The following SNX2 variants were observed in gnomAD, a reference collection of about 807,000 sequenced individuals.
SNX2 encodes the protein sorting nexin 2.
In SNX2, 25 loss-of-function variants were observed where a neutral mutation model predicts 69.9. The ratio of observed to expected loss-of-function variants is 0.36; its 90% confidence interval spans 0.26 to 0.50. The LOEUF is 0.50. SNX2 is among the 20% of genes least tolerant of loss of function. The pLI is 0.97. For missense variants in SNX2, 551 were observed against 613.3 expected (o/e 0.90, Z 1.07); for synonymous variants, 229 against 200.4 (o/e 1.14, Z -1.20).
intron 1 of SNX2, among the ~76,000 whole-genome samples, chr5:122,783,832 G>T (rs1195596365): frequency 6.6e-6 from 1 of 152,116 alleles, no homozygotes; most frequent in African/African-American, 2.4e-5. Flanking sequence ...AATTGGGATT[G>T]TGTTGAATTC....
intron 7 of SNX2, 181 bp from the exon 8 acceptor site, chr5:122,815,715 A>T: frequency 2.5e-6 from 1 of 403,254 alleles, no homozygotes; most frequent in South Asian, 6.1e-5. Context: ...TTTTCAAAAG[A>T]TGAACAAAAA....
intron 1 of SNX2, chr5:122,775,413 G>A: frequency 2.4e-6 from 3 of 1,271,910 alleles, no homozygotes; most frequent in Middle Eastern, 3.0e-4. Flanking sequence ...AGCAGCCTGC[G>A]GCCCGCGGGT....
intron 7 of SNX2, among the ~76,000 whole-genome samples, chr5:122,814,239 T>G (rs6896344): frequency 0.4 from 60,515 of 152,064 alleles, 12,617 homozygotes; most frequent in African/African-American, 0.49. Flanking sequence ...TTATCTGATA[T>G]ATTGTGAGAG....
At chr5:122,792,626 T>C (rs536514700) in intron 1 of SNX2, among the ~76,000 whole-genome samples, 1 of 151,044 alleles carries the variant, frequency 6.6e-6, no homozygotes, top group East Asian at 1.9e-4. Context: ...GCTTAGTAAC[T>C]ATACAAGAAA....
In SNX2 at chr5:122,803,710, A is replaced by AT. The variant is rs531015651; in HGVS notation, c.643+101dup. 1,312 of 881,460 alleles carry AT rather than the reference A, an allele frequency of 1.5e-3. 2 individuals are homozygous for AT. The highest frequency in any genetic ancestry group is 3.2e-3 in the Middle Eastern group (9 of 2,826). 54.6% of individuals were successfully genotyped at this position (881,460 alleles called of 1,614,324 possible). ...GATTTCTTAGTCATTCACTGTCAAC[A>AT]TTTTATAATGTGTAGACATAACTGA... On this transcript the variant is annotated intron_variant, in intron 6 of 14. Coordinates refer to ENST00000379516, the MANE Select transcript of SNX2 (RefSeq NM_003100.4).
chr5:122,817,062 T>A, intron 9 of SNX2, 34 bp downstream of exon 9: 1 of 1,416,602 alleles, frequency 7.1e-7, no homozygotes, highest in Non-Finnish European at 1.0e-6. Context: ...AATAATGAGA[T>A]GAATTAATGA....
At chr5:122,800,701 A>T (rs1166258276) in intron 3 of SNX2, among the ~76,000 whole-genome samples, 3 of 152,196 alleles carry the variant, frequency 2.0e-5, no homozygotes, top group African/African-American at 7.2e-5. Context: ...CTTAAAATTT[A>T]TATACTTTTT....
intron 12 of SNX2, chr5:122,826,611 A>G (rs1464153645): frequency 2.3e-6 from 2 of 887,702 alleles, no homozygotes; most frequent in Non-Finnish European, 2.7e-6. Flanking sequence ...TATAATTTAT[A>G]CACTTTTCTT....
chr5:122,804,674 C>T (rs1310094623), intron 6 of SNX2, among the ~76,000 whole-genome samples: 1 of 152,002 alleles, frequency 6.6e-6, no homozygotes, highest in Admixed American at 6.6e-5. Flanking sequence ...CACATTTGTA[C>T]TTCCATAAGC....
intron 1 of SNX2, among the ~76,000 whole-genome samples, chr5:122,794,614 T>A (rs2150005359): frequency 6.6e-6 from 1 of 152,276 alleles, no homozygotes; most frequent in South Asian, 2.1e-4. Context: ...TTTTTGAAAA[T>A]CAAGGACATG....
In SNX2 at chr5:122,831,009, C is replaced by CAAAAAAAAAAAAAAAAAAAAAAAAA. The variant is rs58159922; in HGVS notation, c.*1385_*1386insAAAAAAAAAAAAAAAAAAAAAAAAA. Reference sequence around the variant, plus strand: ...AGGCAACAAAAGCAAAACTCCATCTCAAAAAAAAAAAAAAAAAAAAAAAAG... The same window carrying CAAAAAAAAAAAAAAAAAAAAAAAAA: ...AGGCAACAAAAGCAAAACTCCATCTCAAAAAAAAAAAAAAAAAAAAAAAAAAAAAAAAAAAAAAAAAAAAAAAAAG... On this transcript the variant is annotated 3_prime_UTR_variant, in exon 15 of 15. Coordinates refer to ENST00000379516, the MANE Select transcript of SNX2 (RefSeq NM_003100.4). Among the ~76,000 whole-genome samples, 1 of 63,006 alleles carries CAAAAAAAAAAAAAAAAAAAAAAAAA rather than the reference C, an allele frequency of 1.6e-5. No homozygotes were observed. The highest frequency in any genetic ancestry group is 6.0e-5 in the African/African-American group (1 of 16,756). The allele number at this position is 63,006 out of a possible 152,430, so 41.3% of individuals were successfully genotyped here.
intron 1 of SNX2, among the ~76,000 whole-genome samples, chr5:122,787,178 T>C (rs944366992): frequency 6.6e-6 from 1 of 152,090 alleles, no homozygotes; most frequent in Non-Finnish European, 1.5e-5. Flanking sequence ...GGAAGAGGCA[T>C]GGAGAGGCAG....
intron 1 of SNX2, among the ~76,000 whole-genome samples, chr5:122,786,827 G>A (rs1753102250): frequency 6.6e-6 from 1 of 152,126 alleles, no homozygotes; most frequent in African/African-American, 2.4e-5. Flanking sequence ...GTGTCAGTCT[G>A]TTGGGGAGGG....
Position 122,778,539 on chromosome 5 carries a change from C to T in SNX2, c.108+3328C>T, listed in dbSNP as rs562018152. Reference sequence around the variant, plus strand: ...TTTTTATTTTTTTGAGACAGAGTCTCGCTCTGTCACCCAGGGTGGAGTGCA... The same window carrying T: ...TTTTTATTTTTTTGAGACAGAGTCTTGCTCTGTCACCCAGGGTGGAGTGCA... On this transcript the variant is annotated intron_variant, in intron 1 of 14. Coordinates refer to ENST00000379516, the MANE Select transcript of SNX2 (RefSeq NM_003100.4). 9.9e-5 allele frequency among the ~76,000 whole-genome samples: 15 copies of T among 152,150 alleles called. No homozygotes were observed. In the South Asian group the frequency reaches 2.1e-3, roughly 21 times the overall value.
chr5:122,816,824 G>C (rs1581643401), intron 8 of SNX2, 91 bp from the exon 9 acceptor site: 3 of 527,630 alleles, frequency 5.7e-6, no homozygotes, highest in Admixed American at 3.7e-5. Flanking sequence ...ATGTGGGGGG[G>C]AGGGGGGAGG....
At chr5:122,829,502 G>A (rs1754231967) in intron 14 of SNX2, 96 bp from the exon 15 acceptor site, 1 of 960,024 alleles carries the variant, frequency 1.0e-6, no homozygotes, top group South Asian at 1.5e-5. Flanking sequence ...ACCCAGCCCG[G>A]CTTATGTAGA....
Position 122,833,028 on chromosome 5 carries a change from C to G in SNX2, c.*3380C>G, listed in dbSNP as rs1038556335. 2.6e-5 allele frequency: 4 copies of G among 152,190 alleles called. No homozygotes were observed. Among genetic ancestry groups the G allele is most frequent in the African/African-American group, 9.7e-5 (4 of 41,436 alleles). The allele number at this position is 152,190 out of a possible 1,614,324, so 9.4% of individuals were successfully genotyped here. ...TGGAGGCATTTTCATATCATATTCA[C>G]TAGTCAAGAAACGTGTAGATTATAT... On this transcript the variant is annotated 3_prime_UTR_variant, in exon 15 of 15. Transcript: ENST00000379516.
chr5:122,823,967 C>T (rs1427981950), intron 11 of SNX2, among the ~76,000 whole-genome samples: 2 of 151,754 alleles, frequency 1.3e-5, no homozygotes, highest in Non-Finnish European at 2.9e-5. Context: ...TTTGGGAGGC[C>T]GAGGCAGGCA....
At chr5:122,790,613 G>A (rs1016754959) in intron 1 of SNX2, among the ~76,000 whole-genome samples, 1 of 152,162 alleles carries the variant, frequency 6.6e-6, no homozygotes, top group African/African-American at 2.4e-5. Context: ...GTCAGAAGTG[G>A]GGGAGGAAGA....
Sources: gnomAD v4.1 joint callset for allele counts (sites outside exome capture counted in the v4.1 genomes callset) on GRCh38, gnomAD v4.1.1 for gene constraint, MANE v1.5 for transcripts, NCBI Gene and HGNC (gene_info 2026-07-23, HGNC 2026-07-21) for gene names.